Variants in NFIB observed in about 807,000 individuals in gnomAD.
The protein encoded by NFIB is nuclear factor 1 B-type.
In NFIB, 11 loss-of-function variants were observed where a neutral mutation model predicts 61.5. The observed-to-expected ratio is 0.18, with a 90% CI of 0.11 to 0.30. NFIB has a LOEUF of 0.30. NFIB is among the 10% of genes least tolerant of loss of function. The probability of loss-of-function intolerance (pLI) is 1.00; values close to 1 mark genes in which losing one functional copy is unlikely to be tolerated. For synonymous variants in NFIB, 260 were observed against 216.5 expected (o/e 1.20, Z -1.76); for missense variants, 471 against 608.9 (o/e 0.77, Z 2.38).
At chr9:14,241,735 TAAAAA>T (rs936448915) in intron 2 of NFIB, among the ~76,000 whole-genome samples, 1 of 151,876 alleles carries the variant, frequency 6.6e-6, no homozygotes, top group Non-Finnish European at 1.5e-5. Flanking sequence ...TACCAGATGT[TAAAAA>T]AAAGCAAATT....
the NFIB span, among the ~76,000 whole-genome samples, chr9:14,417,895 C>A: frequency 6.6e-6 from 1 of 151,388 alleles, no homozygotes; most frequent in African/African-American, 2.4e-5. Flanking sequence ...ATTCTCCTGC[C>A]TCAGCCTCCC....
At chr9:14,406,735 A>C in the NFIB span, among the ~76,000 whole-genome samples, 1 of 152,310 alleles carries the variant, frequency 6.6e-6, no homozygotes, top group African/African-American at 2.4e-5. Context: ...ACCTATAAAA[A>C]AGGTGCACAT....
At chr9:14,379,973 G>A (rs113480880) in intron 1 of NFIB, among the ~76,000 whole-genome samples, 3 of 150,092 alleles carry the variant, frequency 2.0e-5, no homozygotes, top group Admixed American at 6.8e-5. Flanking sequence ...GTGAGCCACC[G>A]CACCCAGTCA....
rs181965633 is a variant in NFIB at position 14,309,966 on chromosome 9, A to G, written c.31-2446T>C. 2.0e-5 allele frequency among the ~76,000 whole-genome samples: 3 copies of G among 152,384 alleles called. No individual in the cohort carries two copies. In the East Asian group the frequency reaches 5.8e-4, roughly 29 times the overall value. On this transcript the variant is annotated intron_variant, in intron 1 of 10. Transcript: ENST00000380953. ...TAAAATGCAATATTATTTTATAAATATTAAGCCATGTGGTAACACGTAAGT... is the reference window on the plus strand; with the variant it reads ...TAAAATGCAATATTATTTTATAAATGTTAAGCCATGTGGTAACACGTAAGT...
intron 2 of NFIB, among the ~76,000 whole-genome samples, chr9:14,205,739 T>C (rs1479703567): frequency 6.6e-6 from 1 of 152,226 alleles, no homozygotes; most frequent in Non-Finnish European, 1.5e-5. Context: ...TGACACAAAC[T>C]GGTGGTATTC....
At chr9:14,204,535 T>G in intron 2 of NFIB, 1 of 1,337,800 alleles carries the variant, frequency 7.5e-7, no homozygotes, top group Non-Finnish European at 1.1e-6. Flanking sequence ...CTCAGCTGCT[T>G]AAGCTGCCCC....
At chr9:14,484,390 G>A in the NFIB span, among the ~76,000 whole-genome samples, 13 of 152,212 alleles carry the variant, frequency 8.5e-5, no homozygotes, top group Non-Finnish European at 1.5e-4. Flanking sequence ...AGATTCTTAT[G>A]GCATATATCC....
chr9:14,251,770 G>A (rs1183827086), intron 2 of NFIB, among the ~76,000 whole-genome samples: 1 of 152,178 alleles, frequency 6.6e-6, no homozygotes, highest in African/African-American at 2.4e-5. Flanking sequence ...CTGCTCCAAG[G>A]ACCAGGAATT....
intron 10 of NFIB, among the ~76,000 whole-genome samples, chr9:14,088,906 T>A (rs2033329539): frequency 6.6e-6 from 1 of 152,124 alleles, no homozygotes; most frequent in Admixed American, 6.6e-5. Flanking sequence ...CAATTTGAAA[T>A]GCCCAATTAT....
rs937874366 is a variant in NFIB, at chr9:14,313,028, C to A, written c.30+454G>T. Among the ~76,000 whole-genome samples, 2 of 152,236 alleles carry A rather than the reference C, an allele frequency of 1.3e-5. No individual in the cohort carries two copies. Among genetic ancestry groups the A allele is most frequent in the African/African-American group, 2.4e-5 (1 of 41,474 alleles). On this transcript the variant is annotated intron_variant, in intron 1 of 10. Transcript: ENST00000380953. This position sits in a 1 kb window ranked among gnomAD's most constrained non-coding sequence, Gnocchi z 4.5. ...CAGTCCAGCGGCGCCCACACAGACT[C>A]GTGCTACAGTCCCCTCGCCCAAGTT...
At chr9:14,462,439 C>G in the NFIB span, among the ~76,000 whole-genome samples, 1 of 152,020 alleles carries the variant, frequency 6.6e-6, no homozygotes, top group East Asian at 1.9e-4. Flanking sequence ...CCCGCCACCA[C>G]GCCCGGCTAA....
At chr9:14,505,959 T>G in the NFIB span, among the ~76,000 whole-genome samples, 3 of 152,208 alleles carry the variant, frequency 2.0e-5, no homozygotes, top group Non-Finnish European at 4.4e-5. Flanking sequence ...TGAATGATCT[T>G]TCTATTATCT....
intron 6 of NFIB, among the ~76,000 whole-genome samples, chr9:14,140,773 A>T (rs1257686231): frequency 6.6e-6 from 1 of 152,110 alleles, no homozygotes; most frequent in East Asian, 1.9e-4. Flanking sequence ...AGCTCTACAC[A>T]AAATTTAAAA....
chr9:14,501,401 T>C, the NFIB span, among the ~76,000 whole-genome samples: 1 of 152,214 alleles, frequency 6.6e-6, no homozygotes, highest in Admixed American at 6.5e-5. Flanking sequence ...TTAATCTTAG[T>C]ATTTTAATCT....
At chr9:14,164,581 A>G (rs929853240) in intron 3 of NFIB, among the ~76,000 whole-genome samples, 1 of 152,200 alleles carries the variant, frequency 6.6e-6, no homozygotes, top group Non-Finnish European at 1.5e-5. Flanking sequence ...ATACAAATAT[A>G]AAAAGAAGAC....
the NFIB span, among the ~76,000 whole-genome samples, chr9:14,411,271 T>A: frequency 6.6e-6 from 1 of 152,218 alleles, no homozygotes; most frequent in Non-Finnish European, 1.5e-5. Flanking sequence ...CTGGTACTTT[T>A]ACTGACGTTG....
At chr9:14,351,813 C>A (rs2061116135) in intron 1 of NFIB, among the ~76,000 whole-genome samples, 1 of 152,186 alleles carries the variant, frequency 6.6e-6, no homozygotes, top group African/African-American at 2.4e-5. Context: ...TGGCTTGTGT[C>A]TCATTGCTTT....
chr9:14,140,130 T>A (rs2382439), intron 6 of NFIB, among the ~76,000 whole-genome samples: 40,700 of 152,100 alleles, frequency 0.27, 6,795 homozygotes, highest in African/African-American at 0.46. Flanking sequence ...CCTGTGATAC[T>A]AACTGCAGGA....
the NFIB span, among the ~76,000 whole-genome samples, chr9:14,478,934 G>T: frequency 6.6e-6 from 1 of 152,130 alleles, no homozygotes; most frequent in African/African-American, 2.4e-5. Flanking sequence ...CATCACCAGG[G>T]TGCACACTCA....
Sources: gnomAD v4.1 joint callset for allele counts (sites outside exome capture counted in the v4.1 genomes callset) on GRCh38, gnomAD v4.1.1 for gene constraint, Gnocchi (gnomAD v3.1) non-coding constraint, MANE v1.5 for transcripts, NCBI Gene and HGNC (gene_info 2026-07-23, HGNC 2026-07-21) for gene names.